MAD1L1: variants seen among roughly 807,000 people sequenced by gnomAD.
MAD1L1 encodes the protein mitotic spindle assembly checkpoint protein MAD1.
A neutral mutation model predicts 96.9 loss-of-function variants in MAD1L1; 95 were observed. The ratio of observed to expected loss-of-function variants is 0.98; its 90% CI spans 0.83 to 1.16. The LOEUF is 1.16. MAD1L1 is among the 50% of genes most tolerant of loss of function. The pLI, the probability that MAD1L1 is intolerant of heterozygous loss-of-function variation, is 0.00. For synonymous variants in MAD1L1, 473 were observed against 396.6 expected (o/e 1.19, Z -2.29); for missense variants, 1,007 against 954.4 (o/e 1.06, Z -0.73).
intron 13 of MAD1L1, among the ~76,000 whole-genome samples, chr7:2,004,575 G>A (rs539052482): frequency 2.6e-5 from 4 of 152,360 alleles, no homozygotes; most frequent in South Asian, 4.1e-4. Flanking sequence ...TGTGCCTCCC[G>A]ACACAGAATC....
chr7:2,025,461 T>C (rs1460245015), intron 12 of MAD1L1, among the ~76,000 whole-genome samples: 1 of 152,198 alleles, frequency 6.6e-6, no homozygotes, highest in Admixed American at 6.5e-5. Flanking sequence ...AAAACTGTTC[T>C]TCAAAAATAA....
At chr7:1,986,355 G>A (rs576847008) in intron 14 of MAD1L1, among the ~76,000 whole-genome samples, 1 of 151,638 alleles carries the variant, frequency 6.6e-6, no homozygotes, top group Admixed American at 6.6e-5. Flanking sequence ...GGAACCACAC[G>A]CCAGTCCAGC....
Position 1,898,431 on chromosome 7 carries a change from G to A in MAD1L1, c.1808-41C>T, listed in dbSNP as rs376381980. 6.7e-5 allele frequency: 106 copies of A among 1,585,950 alleles called. No individual in the cohort carries two copies. The African/African-American group carries it at 1.1e-3, about 17-fold the overall frequency. On this transcript the variant is annotated intron_variant, in intron 17 of 18. Transcript: ENST00000265854. ...AAGGAGACAGTGAGTGCGGCACCAGGCCGGAGGGGTGGGGACCCGGGAGCG... is the reference window on the plus strand; with the variant it reads ...AAGGAGACAGTGAGTGCGGCACCAGACCGGAGGGGTGGGGACCCGGGAGCG...
At chr7:2,145,874 C>A (rs564690364) in intron 11 of MAD1L1, among the ~76,000 whole-genome samples, 1 of 152,226 alleles carries the variant, frequency 6.6e-6, no homozygotes, top group Non-Finnish European at 1.5e-5. Context: ...GCCCGACCCA[C>A]AGGACCTGCT....
rs116342755 is a variant in MAD1L1 at position 1,951,752 on chromosome 7, G to A, written c.1596+5877C>T. Among the ~76,000 whole-genome samples, 1,287 of 152,212 alleles carry A rather than the reference G, an allele frequency of 8.5e-3. 14 individuals are homozygous for A. Among genetic ancestry groups the A allele is most frequent in the African/African-American group, 0.03 (1,226 of 41,526 alleles). ...GCGTCCTCAGGTCCATCCATGCTGCGGCAGGTGTCGGGACGCGCCTCCTCC... is the reference window on the plus strand; with the variant it reads ...GCGTCCTCAGGTCCATCCATGCTGCAGCAGGTGTCGGGACGCGCCTCCTCC... On this transcript the variant is annotated intron_variant, in intron 16 of 18. Transcript: ENST00000265854.
At chr7:1,977,586 G>A (rs1025088757) in intron 15 of MAD1L1, among the ~76,000 whole-genome samples, 1 of 152,280 alleles carries the variant, frequency 6.6e-6, no homozygotes, top group African/African-American at 2.4e-5. Flanking sequence ...GCAGGCTGAA[G>A]GGCTCCAAAC....
chr7:2,224,122 A>C lies in MAD1L1; in HGVS notation c.291+1288T>G, dbSNP rs777684333. ...TGCCATAAGCTGTGCCACACAATGG[A>C]GATCCTGGGCAGAGTCGGGTGGGCC... On this transcript the variant is annotated intron_variant, in intron 4 of 18. Transcript: ENST00000265854. 6.4e-4 allele frequency among the ~76,000 whole-genome samples: 97 copies of C among 152,276 alleles called. 1 individual carries two copies. Among genetic ancestry groups the C allele is most frequent in the Middle Eastern group, 3.4e-3 (1 of 294 alleles).
intron 9 of MAD1L1, among the ~76,000 whole-genome samples, chr7:2,214,865 G>A (rs954338466): frequency 6.6e-6 from 1 of 152,146 alleles, no homozygotes; most frequent in South Asian, 2.1e-4. Context: ...AGTGCCACAC[G>A]CATTCTGACT....
At chr7:1,853,991 C>T (rs116548061) in intron 18 of MAD1L1, among the ~76,000 whole-genome samples, 2 of 152,228 alleles carry the variant, frequency 1.3e-5, no homozygotes, top group South Asian at 2.1e-4. Flanking sequence ...CAGCTCCCGG[C>T]GCCATTCTCA....
At chr7:2,221,026 T>G (rs1181099226) in intron 5 of MAD1L1, 1 of 1,611,768 alleles carries the variant, frequency 6.2e-7, no homozygotes, top group Non-Finnish European at 8.5e-7. Context: ...CAGGACCCTG[T>G]GACAGGAGAA....
chr7:1,841,044 G>T (rs1443723824), intron 18 of MAD1L1, among the ~76,000 whole-genome samples: 5 of 152,210 alleles, frequency 3.3e-5, no homozygotes, highest in African/African-American at 7.2e-5. Context: ...CGGCTGGTGG[G>T]ATTAGATGTG....
chr7:1,859,023 G>A (rs1055118570), intron 18 of MAD1L1, among the ~76,000 whole-genome samples: 8 of 152,116 alleles, frequency 5.3e-5, no homozygotes, highest in African/African-American at 1.2e-4. Flanking sequence ...CTGCATGGGA[G>A]AGGTGGAGGG....
intron 2 of MAD1L1, 91 bp downstream of exon 2, chr7:2,230,458 C>G (rs993429375): frequency 3.4e-6 from 1 of 295,212 alleles, no homozygotes; most frequent in Non-Finnish European, 6.6e-6. Context: ...CGTCCCCCAA[C>G]TGCACTGTAA....
intron 18 of MAD1L1, among the ~76,000 whole-genome samples, chr7:1,850,899 G>A (rs531531080): frequency 1.8e-4 from 27 of 152,286 alleles, no homozygotes; most frequent in African/African-American, 5.1e-4. Context: ...GCCTGACCCC[G>A]TGTGGGACCC....
chr7:2,205,315 G>C lies in MAD1L1; in HGVS notation c.986+7897C>G, dbSNP rs114717123. On this transcript the variant is annotated intron_variant, in intron 10 of 18. Transcript: ENST00000265854. ...TGCTCTTCTACAGTGCCTGCTACCC[G>C]GAGTCACGTAACCAGACGTTGTCAG... Among the ~76,000 whole-genome samples, 3 of 152,126 alleles carry C rather than the reference G, an allele frequency of 2.0e-5. No individual in the cohort carries two copies. In the East Asian group the frequency reaches 5.8e-4, roughly 29 times the overall value.
intron 14 of MAD1L1, among the ~76,000 whole-genome samples, chr7:1,982,865 G>C (rs943043185): frequency 1.3e-5 from 2 of 152,060 alleles, no homozygotes; most frequent in Non-Finnish European, 2.9e-5. Flanking sequence ...ATCACAGTGA[G>C]AAATTACCCA....
intron 3 of MAD1L1, among the ~76,000 whole-genome samples, chr7:2,228,771 C>A (rs1584607506): frequency 6.7e-6 from 1 of 149,572 alleles, no homozygotes; most frequent in East Asian, 2.0e-4. Flanking sequence ...GACAGGGTCT[C>A]ACTCTGTCAC....
intron 11 of MAD1L1, among the ~76,000 whole-genome samples, chr7:2,101,892 G>A (rs1786796713): frequency 6.6e-6 from 1 of 152,148 alleles, no homozygotes; most frequent in Admixed American, 6.5e-5. Context: ...CACATACCAG[G>A]CAGGAGAAGG....
chr7:1,995,457 C>CA (rs1781512885), intron 14 of MAD1L1, among the ~76,000 whole-genome samples: 1 of 152,188 alleles, frequency 6.6e-6, no homozygotes, highest in African/African-American at 2.4e-5. Flanking sequence ...GGCAGTGAAG[C>CA]ACCTGCCTGT....
Sources: allele counts gnomAD v4.1 joint callset (sites outside exome capture counted in the v4.1 genomes callset), GRCh38; gene constraint gnomAD v4.1.1; transcripts MANE v1.5; gene names NCBI Gene and HGNC (gene_info 2026-07-23, HGNC 2026-07-21).